PTPRT: variants seen among roughly 807,000 people sequenced by gnomAD.
PTPRT encodes receptor-type tyrosine-protein phosphatase T.
Under a neutral mutation model 176.8 loss-of-function variants are expected in PTPRT, and 56 were observed. That is an observed-to-expected ratio of 0.32 (90% CI 0.26 to 0.40). The LOEUF (loss-of-function observed/expected upper bound fraction) is 0.40, where lower values mean the gene tolerates loss of function less well. Ranked by LOEUF, PTPRT falls within the 10% of genes least tolerant of loss-of-function variation. The pLI is 1.00. For missense variants in PTPRT, 1,540 were observed against 1,908.2 expected (o/e 0.81, Z 3.60); for synonymous variants, 783 against 739.0 (o/e 1.06, Z -0.96).
intron 8 of PTPRT, among the ~76,000 whole-genome samples, chr20:42,463,422 A>G (rs1416600166): frequency 6.6e-6 from 1 of 152,178 alleles, no homozygotes; most frequent in Admixed American, 6.5e-5. Flanking sequence ...AAAAAAGCAC[A>G]CTAAAATTGC....
chr20:42,587,207 C>G (rs2073486072), intron 7 of PTPRT, among the ~76,000 whole-genome samples: 1 of 152,188 alleles, frequency 6.6e-6, no homozygotes, highest in South Asian at 2.1e-4. Context: ...ATGACAAACT[C>G]TAGCCCATAC....
intron 27 of PTPRT, among the ~76,000 whole-genome samples, chr20:42,096,068 C>T (rs1458429776): frequency 6.6e-6 from 1 of 152,182 alleles, no homozygotes; most frequent in East Asian, 1.9e-4. Context: ...TGCACCTGCT[C>T]CCTAAACCTT....
intron 7 of PTPRT, among the ~76,000 whole-genome samples, chr20:42,482,575 G>A (rs574561115): frequency 6.6e-6 from 1 of 152,126 alleles, no homozygotes; most frequent in African/African-American, 2.4e-5. Flanking sequence ...ATTCTAGTGG[G>A]GGTAGGAGAT....
chr20:42,542,478 A>C (rs1175287012), intron 7 of PTPRT, among the ~76,000 whole-genome samples: 2 of 152,170 alleles, frequency 1.3e-5, no homozygotes, highest in Non-Finnish European at 2.9e-5. Flanking sequence ...ACTGAGATAC[A>C]ATTTTTCACA....
chr20:42,699,852 G>A (rs1277230591), intron 6 of PTPRT, among the ~76,000 whole-genome samples: 1 of 152,090 alleles, frequency 6.6e-6, no homozygotes, highest in African/African-American at 2.4e-5. Context: ...GTCCCATTTA[G>A]GTTAAAAGCA....
At chr20:42,743,377 G>A (rs1003688243) in intron 6 of PTPRT, among the ~76,000 whole-genome samples, 2 of 152,162 alleles carry the variant, frequency 1.3e-5, no homozygotes, top group African/African-American at 4.8e-5. Context: ...ATGGGTTAGG[G>A]GGGAAAAAAG....
intron 11 of PTPRT, among the ~76,000 whole-genome samples, chr20:42,320,908 T>G (rs886697180): frequency 1.3e-5 from 2 of 152,000 alleles, no homozygotes; most frequent in African/African-American, 2.4e-5. Flanking sequence ...AATGGCAACA[T>G]CCCACAGCAG....
rs55834508 is a variant in PTPRT, at chr20:42,753,234, T to C, written c.859+3228A>G. ...CCAGATGCAGGTCGGACTCCAGTTG[T>C]ACCCCTTGGGATGGTCCTGTTTCTC... On this transcript the variant is annotated intron_variant, in intron 6 of 30. Coordinates refer to ENST00000373187, the MANE Select transcript of PTPRT (RefSeq NM_007050.6). Among the ~76,000 whole-genome samples, 375 of 152,238 alleles carry C rather than the reference T, an allele frequency of 2.5e-3. 2 individuals are homozygous for C. The highest frequency in any genetic ancestry group is 8.6e-3 in the African/African-American group (359 of 41,550).
intron 15 of PTPRT, among the ~76,000 whole-genome samples, chr20:42,217,466 A>C (rs1048181655): frequency 4.6e-5 from 7 of 151,670 alleles, no homozygotes; most frequent in African/African-American, 1.7e-4. Context: ...AAAACTGTAG[A>C]TGGGCATAAG....
rs1487905752 is a variant in PTPRT, at chr20:42,206,873, T to C, written c.2343-7485A>G. On this transcript the variant is annotated intron_variant, in intron 15 of 30. Transcript: ENST00000373187. Reference sequence around the variant, plus strand: ...CAAACAAAAAGACAGCAGTAACCTCTGCAGACTTAAATGTCCCTGTCTGAC... The same window carrying C: ...CAAACAAAAAGACAGCAGTAACCTCCGCAGACTTAAATGTCCCTGTCTGAC... 2.6e-5 allele frequency among the ~76,000 whole-genome samples: 4 copies of C among 152,232 alleles called. No homozygotes were observed. The East Asian group carries it at 7.7e-4, about 29-fold the overall frequency.
intron 1 of PTPRT, among the ~76,000 whole-genome samples, chr20:43,143,282 T>C (rs989497919): frequency 1.3e-5 from 2 of 152,178 alleles, no homozygotes; most frequent in Non-Finnish European, 2.9e-5. Flanking sequence ...CCTTCAACTT[T>C]CCAGAGTCTT....
At chr20:42,543,800 C>A (rs12106099) in intron 7 of PTPRT, among the ~76,000 whole-genome samples, 20,969 of 151,994 alleles carry the variant, frequency 0.14, 1,658 homozygotes, top group African/African-American at 0.21. Context: ...TGTTAGCAGG[C>A]ATGAAAACAA....
chr20:42,541,105 C>T (rs142410417), intron 7 of PTPRT, among the ~76,000 whole-genome samples: 11 of 152,144 alleles, frequency 7.2e-5, no homozygotes, highest in Admixed American at 4.6e-4. Flanking sequence ...TTAAACTATG[C>T]GCACATAGAA....
chr20:42,149,422 ATTT>A (rs11479052), intron 17 of PTPRT, among the ~76,000 whole-genome samples: 3 of 143,924 alleles, frequency 2.1e-5, no homozygotes, highest in Non-Finnish European at 3.0e-5. Flanking sequence ...AAAGTTTTGG[ATTT>A]TTTTTTTTTT....
intron 2 of PTPRT, among the ~76,000 whole-genome samples, chr20:42,802,204 A>C (rs1030699481): frequency 6.6e-6 from 1 of 152,196 alleles, no homozygotes; most frequent in Non-Finnish European, 1.5e-5. Flanking sequence ...TGATCTGTGG[A>C]CCACACTTTG....
chr20:43,019,248 T>A (rs1044831916), intron 1 of PTPRT, among the ~76,000 whole-genome samples: 12 of 152,184 alleles, frequency 7.9e-5, no homozygotes, highest in Admixed American at 6.5e-4. Context: ...CATTAATTAT[T>A]CTCAGTGTTT....
At chr20:43,052,882 C>T (rs1459352900) in intron 1 of PTPRT, among the ~76,000 whole-genome samples, 1 of 152,174 alleles carries the variant, frequency 6.6e-6, no homozygotes, top group African/African-American at 2.4e-5. Context: ...TTGCTAAGTT[C>T]AACATAGAAT....
chr20:42,105,512 T>C (rs527359441), intron 24 of PTPRT, among the ~76,000 whole-genome samples: 1 of 152,320 alleles, frequency 6.6e-6, no homozygotes, highest in Admixed American at 6.5e-5. Flanking sequence ...CAGGCAGAAG[T>C]TGGTGTTACT....
chr20:42,917,319 A>G (rs1161113829), intron 1 of PTPRT, among the ~76,000 whole-genome samples: 1 of 152,074 alleles, frequency 6.6e-6, no homozygotes, highest in Non-Finnish European at 1.5e-5. Flanking sequence ...CCATTGGTCT[A>G]TATCTCTGTT....
Sources: allele counts gnomAD v4.1 joint callset (sites outside exome capture counted in the v4.1 genomes callset), GRCh38; gene constraint gnomAD v4.1.1; transcripts MANE v1.5; gene names NCBI Gene and HGNC (gene_info 2026-07-23, HGNC 2026-07-21).